The following MRTFA variants were observed in gnomAD, a reference collection of about 807,000 sequenced individuals.
The protein encoded by MRTFA is myocardin-related transcription factor A.
Under a neutral mutation model 83.5 loss-of-function variants are expected in MRTFA, and 20 were observed. The ratio of observed to expected loss-of-function variants is 0.24; its 90% confidence interval spans 0.17 to 0.35. The LOEUF is 0.35. Ranked by LOEUF, MRTFA falls within the 10% of genes least tolerant of loss-of-function variation. The probability of loss-of-function intolerance (pLI) is 1.00; values close to 1 mark genes in which losing one functional copy is unlikely to be tolerated. For synonymous variants in MRTFA, 659 were observed against 541.2 expected, an observed-to-expected ratio of 1.22 and a Z score of -3.02; for missense variants, 1,200 against 1,224.7, an observed-to-expected ratio of 0.98 and a Z score of 0.30.
At chr22:40,420,677 G>T (rs1015752586) in intron 10 of MRTFA, 101 bp from the exon 11 acceptor site, 4 of 1,543,456 alleles carry the variant, frequency 2.6e-6, no homozygotes, top group Non-Finnish European at 3.5e-6. Flanking sequence ...AGATGGGCAT[G>T]GGGCAAGGGC....
chr22:40,469,690 TC>T (rs1463565214), intron 3 of MRTFA, among the ~76,000 whole-genome samples: 1 of 151,994 alleles, frequency 6.6e-6, no homozygotes, highest in Non-Finnish European at 1.5e-5. Context: ...CATGGAACAC[TC>T]CCCAGGTCAC....
chr22:40,595,181 G>A (rs994743102), intron 1 of MRTFA, among the ~76,000 whole-genome samples: 5 of 145,708 alleles, frequency 3.4e-5, no homozygotes, highest in African/African-American at 5.1e-5. Context: ...ATGCAATGGC[G>A]CAATCTCAGC....
chr22:40,484,103 TTAGA>T (rs1456466074), intron 3 of MRTFA, among the ~76,000 whole-genome samples: 1 of 151,876 alleles, frequency 6.6e-6, no homozygotes, highest in African/African-American at 2.4e-5. Flanking sequence ...AGATAGATAA[TTAGA>T]TAGACAAACA....
At chr22:40,479,190 T>C (rs2054047611) in intron 3 of MRTFA, among the ~76,000 whole-genome samples, 1 of 152,284 alleles carries the variant, frequency 6.6e-6, no homozygotes, top group Non-Finnish European at 1.5e-5. Flanking sequence ...ATGTTCAAAA[T>C]GAAGCCTCCA....
At chr22:40,585,889 G>A (rs374811106) in intron 2 of MRTFA, among the ~76,000 whole-genome samples, 6 of 152,058 alleles carry the variant, frequency 3.9e-5, no homozygotes, top group African/African-American at 1.5e-4. Context: ...TAATACACAG[G>A]TCACAGAATC....
At chr22:40,474,758 A>G (rs2053965078) in intron 3 of MRTFA, among the ~76,000 whole-genome samples, 1 of 152,232 alleles carries the variant, frequency 6.6e-6, no homozygotes, top group Non-Finnish European at 1.5e-5. Context: ...ATTTGTGTGA[A>G]GAGTATTTCC....
At chr22:40,448,366 C>T (rs919482735) in intron 4 of MRTFA, among the ~76,000 whole-genome samples, 7 of 152,042 alleles carry the variant, frequency 4.6e-5, no homozygotes, top group Middle Eastern at 6.8e-3. Flanking sequence ...CCCAGCTACT[C>T]GGGAGGCTGA....
chr22:40,412,166 TA>T (rs1260483078), intron 14 of MRTFA: 1 of 323,306 alleles, frequency 3.1e-6, no homozygotes, highest in East Asian at 4.7e-5. Context: ...GACTCAAGAA[TA>T]GGTAAAAGAA....
chr22:40,495,636 G>A (rs940776602), intron 3 of MRTFA, among the ~76,000 whole-genome samples: 2 of 150,754 alleles, frequency 1.3e-5, no homozygotes, highest in Non-Finnish European at 3.0e-5. Flanking sequence ...GCGGTCGCCT[G>A]TAATCCCAGC....
chr22:40,609,772 G>A (rs953566282), intron 1 of MRTFA, among the ~76,000 whole-genome samples: 2 of 151,424 alleles, frequency 1.3e-5, no homozygotes, highest in African/African-American at 4.9e-5. Flanking sequence ...CGGAGGTTGT[G>A]GTGAGTCGAG....
intron 2 of MRTFA, among the ~76,000 whole-genome samples, chr22:40,593,609 C>T (rs540225524): frequency 9.3e-4 from 141 of 152,114 alleles, no homozygotes; most frequent in Non-Finnish European, 1.7e-3. Flanking sequence ...TTTAATCTAC[C>T]GTCTCCTCCT....
At chr22:40,454,134 C>T (rs2053543784) in intron 4 of MRTFA, among the ~76,000 whole-genome samples, 1 of 152,070 alleles carries the variant, frequency 6.6e-6, no homozygotes, top group Non-Finnish European at 1.5e-5. Context: ...GTTCCTATTC[C>T]TTTTGGGTGG....
intron 3 of MRTFA, among the ~76,000 whole-genome samples, chr22:40,487,023 C>A (rs990414824): frequency 1.3e-5 from 2 of 152,164 alleles, no homozygotes; most frequent in African/African-American, 4.8e-5. Context: ...AAAATAAATT[C>A]ACTACACAAG....
chr22:40,515,746 G>A (rs189041355), intron 3 of MRTFA, among the ~76,000 whole-genome samples: 31 of 152,204 alleles, frequency 2.0e-4, no homozygotes, highest in Non-Finnish European at 2.5e-4. Context: ...CAGGAAACTC[G>A]CCTACCAGTA....
chr22:40,508,610 T>A (rs2054618863), intron 3 of MRTFA, among the ~76,000 whole-genome samples: 1 of 150,282 alleles, frequency 6.7e-6, no homozygotes. Context: ...ATCTTTGGCC[T>A]CACAGTTGAG....
At chr22:40,415,990 G>A (rs58600101) in intron 14 of MRTFA, among the ~76,000 whole-genome samples, 5,729 of 152,000 alleles carry the variant, frequency 0.038, 358 homozygotes, top group African/African-American at 0.13. Context: ...CAATCTAGAT[G>A]TGACAACACT....
intron 9 of MRTFA, among the ~76,000 whole-genome samples, chr22:40,421,828 G>C (rs996300208): frequency 1.1e-4 from 16 of 152,226 alleles, no homozygotes; most frequent in African/African-American, 3.4e-4. Context: ...GAGAAGTTTT[G>C]AGCAGAGAAT....
intron 4 of MRTFA, among the ~76,000 whole-genome samples, chr22:40,462,558 C>G (rs985752547): frequency 1.3e-5 from 2 of 152,196 alleles, no homozygotes; most frequent in Non-Finnish European, 2.9e-5. Context: ...AGATCAAAAC[C>G]TCACCAGCTC....
chr22:40,607,226 C>T (rs1203877826), intron 1 of MRTFA, among the ~76,000 whole-genome samples: 1 of 152,080 alleles, frequency 6.6e-6, no homozygotes, highest in Non-Finnish European at 1.5e-5. Context: ...TACACAAGGC[C>T]GGGTGCGGTG....
Sources: allele counts gnomAD v4.1 joint callset (sites outside exome capture counted in the v4.1 genomes callset), GRCh38; gene constraint gnomAD v4.1.1; transcripts MANE v1.5; gene names NCBI Gene and HGNC (gene_info 2026-07-23, HGNC 2026-07-21).